Variants in TMEM117 observed in about 807,000 individuals in gnomAD.
TMEM117 encodes transmembrane protein 117.
TMEM117 carries 27 observed loss-of-function variants against 52.4 expected under a neutral mutation model. The ratio of observed to expected loss-of-function variants is 0.51; its 90% CI spans 0.38 to 0.71. The LOEUF (loss-of-function observed/expected upper bound fraction) is 0.71, where lower values mean the gene tolerates loss of function less well. TMEM117 is among the 30% of genes least tolerant of loss of function. The pLI is 0.00. For missense variants in TMEM117, 556 were observed against 630.5 expected, an observed-to-expected ratio of 0.88 and a Z score of 1.26; for synonymous variants, 215 against 206.3, an observed-to-expected ratio of 1.04 and a Z score of -0.36.
chr12:43,931,551 T>A (rs572301894), intron 2 of TMEM117, among the ~76,000 whole-genome samples: 1 of 152,326 alleles, frequency 6.6e-6, no homozygotes, highest in Non-Finnish European at 1.5e-5. Flanking sequence ...TTTCAGAGGG[T>A]AGAGAAATGC....
At chr12:44,347,776 C>T (rs547937956) in intron 6 of TMEM117, among the ~76,000 whole-genome samples, 4 of 152,090 alleles carry the variant, frequency 2.6e-5, no homozygotes, top group South Asian at 2.1e-4. Flanking sequence ...AGTCAAACAC[C>T]GCTAACTGTA....
chr12:44,326,916 T>C (rs939142375), intron 6 of TMEM117, among the ~76,000 whole-genome samples: 1 of 152,226 alleles, frequency 6.6e-6, no homozygotes, highest in East Asian at 1.9e-4. Context: ...CTTTCTAGCC[T>C]GAGCCGTATG....
intron 6 of TMEM117, among the ~76,000 whole-genome samples, chr12:44,324,119 CATCTTTTAA>C (rs1238182340): frequency 1.3e-5 from 2 of 151,976 alleles, no homozygotes; most frequent in African/African-American, 2.4e-5. Context: ...GAACCTGCCC[CATCTTTTAA>C]AATCAGAAAG....
At chr12:44,283,227 T>C (rs1040489549) in intron 5 of TMEM117, among the ~76,000 whole-genome samples, 3 of 152,154 alleles carry the variant, frequency 2.0e-5, no homozygotes, top group Non-Finnish European at 4.4e-5. Context: ...GAGTCCCTAC[T>C]GGGGCACTGC....
intron 2 of TMEM117, among the ~76,000 whole-genome samples, chr12:43,875,993 G>T (rs1943788692): frequency 1.3e-5 from 2 of 152,138 alleles, no homozygotes; most frequent in Non-Finnish European, 2.9e-5. Flanking sequence ...TGAAAACCTT[G>T]TTGGGATAGT....
intron 2 of TMEM117, among the ~76,000 whole-genome samples, chr12:43,901,343 C>G (rs1018739077): frequency 2.0e-5 from 3 of 151,966 alleles, no homozygotes; most frequent in African/African-American, 7.3e-5. Flanking sequence ...CGGAGTCTTG[C>G]TCTGTTGCCC....
intron 5 of TMEM117, among the ~76,000 whole-genome samples, chr12:44,236,521 A>G (rs968679199): frequency 6.6e-6 from 1 of 152,006 alleles, no homozygotes; most frequent in Admixed American, 6.6e-5. Context: ...CTGAATTTTT[A>G]TTTCTTGACT....
intron 5 of TMEM117, among the ~76,000 whole-genome samples, chr12:44,276,828 A>C (rs565961256): frequency 1.3e-5 from 2 of 152,046 alleles, no homozygotes; most frequent in African/African-American, 4.8e-5. Context: ...AGTGTGAGCT[A>C]TGTCTATTAG....
intron 3 of TMEM117, among the ~76,000 whole-genome samples, chr12:43,974,980 A>T (rs1183826124): frequency 6.6e-6 from 1 of 152,192 alleles, no homozygotes; most frequent in Non-Finnish European, 1.5e-5. Context: ...TATTTAACCT[A>T]TCACAATCAA....
At chr12:44,191,387 C>CTGTCTGTCT (rs1949351693) in intron 4 of TMEM117, among the ~76,000 whole-genome samples, 1 of 151,912 alleles carries the variant, frequency 6.6e-6, no homozygotes, top group African/African-American at 2.4e-5. Flanking sequence ...GTCTGTCTGT[C>CTGTCTGTCT]TATCTATGTA....
chr12:44,381,701 G>A (rs1374971146), intron 7 of TMEM117, among the ~76,000 whole-genome samples: 1 of 152,190 alleles, frequency 6.6e-6, no homozygotes, highest in Non-Finnish European at 1.5e-5. Context: ...TTCCTGTGTT[G>A]TGTGAGGGTA....
chr12:43,933,076 A>G (rs1179515113), intron 2 of TMEM117, among the ~76,000 whole-genome samples: 1 of 152,220 alleles, frequency 6.6e-6, no homozygotes, highest in Admixed American at 6.5e-5. Context: ...TTCCTTCTTA[A>G]TTGCATTAAT....
chr12:44,304,812 G>T (rs1950884648), intron 6 of TMEM117, among the ~76,000 whole-genome samples: 1 of 152,208 alleles, frequency 6.6e-6, no homozygotes, highest in Non-Finnish European at 1.5e-5. Flanking sequence ...ATAAGGAGTA[G>T]CTAGGCAGTA....
chr12:43,802,121 T>G, the TMEM117 span, among the ~76,000 whole-genome samples: 2 of 152,248 alleles, frequency 1.3e-5, no homozygotes, highest in Admixed American at 6.5e-5. Context: ...CTCCCGAATC[T>G]AAGCACATTA....
intron 2 of TMEM117, among the ~76,000 whole-genome samples, chr12:43,938,380 A>G (rs968800978): frequency 6.6e-6 from 1 of 151,704 alleles, no homozygotes; most frequent in Non-Finnish European, 1.5e-5. Flanking sequence ...GAATAGAATG[A>G]ATCTCATAAT....
intron 3 of TMEM117, among the ~76,000 whole-genome samples, chr12:43,994,623 T>C (rs1164083071): frequency 3.3e-5 from 5 of 152,156 alleles, no homozygotes; most frequent in Non-Finnish European, 5.9e-5. Context: ...ACATTTCATA[T>C]AGTTTTTTCT....
At chr12:44,127,631 G>A (rs750534931) in intron 3 of TMEM117, among the ~76,000 whole-genome samples, 3 of 151,952 alleles carry the variant, frequency 2.0e-5, no homozygotes, top group Admixed American at 6.6e-5. Flanking sequence ...AGCTGAGATC[G>A]TGCCATTGCA....
At chr12:44,338,624 G>C (rs1305371071) in intron 6 of TMEM117, among the ~76,000 whole-genome samples, 1 of 151,578 alleles carries the variant, frequency 6.6e-6, no homozygotes, top group African/African-American at 2.4e-5. Context: ...TAAATGAGAA[G>C]CGTAAACATC....
chr12:43,894,849 G>T (rs1229423841), intron 2 of TMEM117, among the ~76,000 whole-genome samples: 2 of 17,454 alleles, frequency 1.1e-4, no homozygotes, highest in Admixed American at 8.3e-4. Context: ...GATTTTCAAT[G>T]CCCTTTTTTT....
Sources: allele counts gnomAD v4.1 joint callset (sites outside exome capture counted in the v4.1 genomes callset), GRCh38; gene constraint gnomAD v4.1.1; transcripts MANE v1.5; gene names NCBI Gene and HGNC (gene_info 2026-07-23, HGNC 2026-07-21).